CCDC74A: variants seen among roughly 807,000 people sequenced by gnomAD.
The protein encoded by CCDC74A is coiled-coil domain containing 74A.
In CCDC74A, 38 loss-of-function variants were observed where a neutral mutation model predicts 37.6. The observed-to-expected ratio is 1.01, with a 90% CI of 0.78 to 1.33. The LOEUF is 1.33. CCDC74A is among the 40% of genes most tolerant of loss of function. CCDC74A has a pLI of 0.00. For missense variants in CCDC74A, 340 were observed against 403.4 expected (o/e 0.84, Z 1.35); for synonymous variants, 134 against 165.2 (o/e 0.81, Z 1.45).
intron 1 of CCDC74A, chr2:131,529,422 C>T (rs974383301): frequency 1.4e-6 from 1 of 689,684 alleles, no homozygotes; most frequent in Admixed American, 2.1e-5. Flanking sequence ...ATGGATGAGG[C>T]CGATATGCCC....
At position 131,530,603 on chromosome 2, in the gene CCDC74A, C is replaced by G. The variant is rs368118125; in HGVS notation, c.296-174C>G. 255 of 1,610,414 alleles carry G rather than the reference C, an allele frequency of 1.6e-4. No homozygotes were observed. The African/African-American group carries it at 3.2e-3, about 20-fold the overall frequency. ...GATGGCCCCTCAGGAAACCACCTTT[C>G]CAGGGCCTCTGCTCCCTTGGGCGCT... On this transcript the variant is annotated intron_variant, in intron 2 of 7. Transcript: ENST00000409856.
chr2:131,533,528 TA>T lies in CCDC74A; in HGVS notation c.*133del. The T allele has an allele frequency of 1.5e-6, 2 of 1,299,940 alleles. No homozygotes were observed. Among genetic ancestry groups the T allele is most frequent in the South Asian group, 1.5e-5 (1 of 65,678 alleles). The allele number at this position is 1,299,940 out of a possible 1,614,324, so 80.5% of individuals were successfully genotyped here. ...CAAGACAGATAACACTCAAGATAGA[TA>T]AAGTACTTGATCTCCAAACTGACAA... On this transcript the variant is annotated 3_prime_UTR_variant, in exon 8 of 8. Transcript: ENST00000409856.
chr2:131,527,423 G>C (rs1030398938), upstream of CCDC74A, among the ~76,000 whole-genome samples: 1 of 152,106 alleles, frequency 6.6e-6, no homozygotes, highest in Admixed American at 6.6e-5. Context: ...AAGACACCAT[G>C]CCCGGGTTTT....
upstream of CCDC74A, among the ~76,000 whole-genome samples, chr2:131,525,711 C>CTTTTTTTTTTTTTTTTT (rs58721770): frequency 1.9e-4 from 12 of 63,452 alleles, 2 homozygotes; most frequent in African/African-American, 7.6e-4. Context: ...CTATGCCTGC[C>CTTTTTTTTTTTTTTTTT]TTTTTTTTTT....
upstream of CCDC74A, among the ~76,000 whole-genome samples, chr2:131,522,927 C>T (rs2104767410): frequency 6.6e-6 from 1 of 152,242 alleles, no homozygotes; most frequent in African/African-American, 2.4e-5. Flanking sequence ...TGTTTTGAGA[C>T]AAGGTCTTGC....
At chr2:131,527,078 C>A (rs1388146491), upstream of CCDC74A, among the ~76,000 whole-genome samples, 1 of 144,850 alleles carries the variant, frequency 6.9e-6, no homozygotes, top group South Asian at 2.2e-4. Context: ...AATAAGACTT[C>A]TTTTTATTTT....
intron 1 of CCDC74A, chr2:131,528,663 T>A: frequency 2.1e-6 from 1 of 473,156 alleles, no homozygotes; most frequent in Non-Finnish European, 3.9e-6. Context: ...ACAAAACAAT[T>A]AGCTAGGCGT....
chr2:131,528,242 G>C (rs762570695), intron 1 of CCDC74A, 22 bp downstream of exon 1: 6 of 1,609,294 alleles, frequency 3.7e-6, no homozygotes, highest in Admixed American at 3.4e-5. Flanking sequence ...CGGGGCCCTA[G>C]GCCGGCCCTG....
intron 1 of CCDC74A, 160 bp from the exon 2 acceptor site, chr2:131,529,487 G>A (rs779670281): frequency 3.6e-5 from 35 of 962,456 alleles, no homozygotes; most frequent in Middle Eastern, 2.0e-4. Context: ...CACCCACGAC[G>A]AAGGCGTGGT....
At chr2:131,530,149 A>G (rs1043013809) in intron 2 of CCDC74A, 1 of 1,549,530 alleles carries the variant, frequency 6.5e-7, no homozygotes, top group African/African-American at 1.4e-5. Flanking sequence ...CTGGGCAGCA[A>G]CCATGGGGAC....
rs369911812 is a variant in CCDC74A, at chr2:131,533,258, A to G, written c.810-11A>G. On this transcript the variant is annotated splice_polypyrimidine_tract_variant and intron_variant, in intron 7 of 7. Coordinates refer to ENST00000409856, the MANE Select transcript of CCDC74A (RefSeq NM_001258306.3). The stretch of plus-strand genomic sequence containing the variant: ...GGATGCTCACGGTGACAGTCCCTCT[A>G]CCCGCCCCAGCCTGAGCCCACCTGT... The G allele has an allele frequency of 8.2e-5, 132 of 1,611,342 alleles. 2 individuals are homozygous for G. The highest frequency in any genetic ancestry group is 1.1e-4 in the Non-Finnish European group (131 of 1,179,412).
chr2:131,533,209 A>G (rs1681694993), intron 7 of CCDC74A, 60 bp from the exon 8 acceptor site: 3 of 1,608,028 alleles, frequency 1.9e-6, no homozygotes, highest in Non-Finnish European at 2.5e-6. Flanking sequence ...TGCAGGCCGC[A>G]CTCCCCACAC....
rs766808431 is a variant in CCDC74A at position 131,532,651 on chromosome 2, G to A, written c.548G>A (p.Gly183Asp). 6.8e-6 allele frequency: 11 copies of A among 1,611,980 alleles called. No individual in the cohort carries two copies. Among genetic ancestry groups the A allele is most frequent in the Admixed American group, 5.0e-5 (3 of 59,840 alleles). Residue 183 changes from glycine to aspartate, a missense_variant, in exon 5 of 8, where the codon GGC becomes GAC. Physicochemically the swap from Gly to Asp is moderately conservative, Grantham distance 94 (BLOSUM62 -1). Around this residue, in one of 3 missense-constraint regions of CCDC74A, gnomAD observed 185 missense variants for 231.5 expected, o/e 0.80. Coordinates refer to ENST00000409856, the MANE Select transcript of CCDC74A (RefSeq NM_001258306.3). The part of the protein sequence containing the change: ...AACMGNSQHQ[G>D]RQMGAGAHPP... ...TGTATGGGGAACAGCCAGCACCAGG[G>A]CAGGCAGATGGGGGCGGGGGCACAC...
chr2:131,527,125 T>A (rs1559395778), upstream of CCDC74A, among the ~76,000 whole-genome samples: 1 of 151,924 alleles, frequency 6.6e-6, no homozygotes. Flanking sequence ...TTATTTATTT[T>A]TTGAGACACA....
At position 131,533,563 on chromosome 2, in the gene CCDC74A, T is replaced by C. The variant is rs1275734058; in HGVS notation, c.*165T>C. ...GATCTCCAAACTGACAAACTGTTTA[T>C]TTTCTAGCTGTTATTTTGCTATTTG... On this transcript the variant is annotated 3_prime_UTR_variant, in exon 8 of 8. Coordinates refer to ENST00000409856, the MANE Select transcript of CCDC74A (RefSeq NM_001258306.3). The C allele has an allele frequency of 5.2e-6, 5 of 967,960 alleles. No individual in the cohort carries two copies. In the Admixed American group the frequency reaches 1.5e-4, roughly 28 times the overall value. 60.0% of individuals were successfully genotyped at this position (967,960 alleles called of 1,614,324 possible).
Position 131,533,444 on chromosome 2 carries a change from A to G in CCDC74A, c.*46A>G. On this transcript the variant is annotated 3_prime_UTR_variant, in exon 8 of 8. Transcript: ENST00000409856. ...GCCAGGCCCACCAACCTGCAGCTGG[A>G]GACTGGCTCTCTATAGCATTTCCTG... 1 of 1,608,210 alleles carries G rather than the reference A, an allele frequency of 6.2e-7. No homozygotes were observed. The highest frequency in any genetic ancestry group is 8.5e-7 in the Non-Finnish European group (1 of 1,176,636).
upstream of CCDC74A, among the ~76,000 whole-genome samples, chr2:131,526,361 G>C (rs779248990): frequency 2.0e-5 from 3 of 152,058 alleles, no homozygotes; most frequent in Admixed American, 6.6e-5. Context: ...TGGCCAGGCT[G>C]GTCTTGAACT....
chr2:131,531,731 G>A lies in CCDC74A; in HGVS notation c.414G>A (p.Ala138=), dbSNP rs372926788. ...CAAAAGCTGACGTCTCCCAGAAGGCGGACCTGGAAGAGGAGCCCCTACTTC... is the reference window on the plus strand; with the variant it reads ...CAAAAGCTGACGTCTCCCAGAAGGCAGACCTGGAAGAGGAGCCCCTACTTC... ...QDSKADVSQK[A]DLEEEPLLHN... is the part of the protein sequence containing the mutation. Residue 138 remains alanine, a synonymous_variant, in exon 4 of 8, where the codon GCG becomes GCA. Coordinates refer to ENST00000409856, the MANE Select transcript of CCDC74A (RefSeq NM_001258306.3). 18 of 1,517,398 alleles carry A rather than the reference G, an allele frequency of 1.2e-5. 2 individuals are homozygous for A. The highest frequency in any genetic ancestry group is 2.2e-5 in the Admixed American group (1 of 46,398). The allele number at this position is 1,517,398 out of a possible 1,614,324, so 94.0% of individuals were successfully genotyped here.
intron 1 of CCDC74A, chr2:131,529,441 C>A (rs1559410620): frequency 2.8e-6 from 2 of 725,584 alleles, no homozygotes; most frequent in Admixed American, 4.0e-5. Context: ...CCGGTGGGCT[C>A]TGCCTAGGGA....
Sources: allele counts gnomAD v4.1 joint callset (sites outside exome capture counted in the v4.1 genomes callset), GRCh38; gene constraint gnomAD v4.1.1; regional missense constraint gnomAD v4.1.1; transcripts MANE v1.5; gene names NCBI Gene and HGNC (gene_info 2026-07-23, HGNC 2026-07-21).